KATNAL2: variants seen among roughly 807,000 people sequenced by gnomAD.
KATNAL2 encodes katanin p60 ATPase-containing subunit A-like 2.
In KATNAL2, 52 loss-of-function variants were observed where a neutral mutation model predicts 76.3. The ratio of observed to expected loss-of-function variants is 0.68; its 90% CI spans 0.55 to 0.86. KATNAL2 has a LOEUF of 0.86. Among genes scored for constraint, KATNAL2 ranks in the 40% least tolerant of loss-of-function variants. The pLI is 0.00. For missense variants in KATNAL2, 660 were observed against 668.9 expected (o/e 0.99, Z 0.15); for synonymous variants, 243 against 244.2 (o/e 1.00, Z 0.05).
chr18:47,091,587 A>G (rs1482080700), intron 15 of KATNAL2, among the ~76,000 whole-genome samples: 2 of 152,162 alleles, frequency 1.3e-5, no homozygotes, highest in Non-Finnish European at 2.9e-5. Flanking sequence ...TATTGATGTC[A>G]TGAAAAGTGC....
chr18:47,091,677 G>A (rs1490082686), intron 15 of KATNAL2, among the ~76,000 whole-genome samples: 1 of 152,082 alleles, frequency 6.6e-6, no homozygotes. Flanking sequence ...TTGCTTTAGG[G>A]CATTAGCTAA....
chr18:46,928,706 C>G lies in KATNAL2; in HGVS notation c.-510+10780C>G, dbSNP rs1568978936. Among the ~76,000 whole-genome samples the G allele has an allele frequency of 2.6e-5, 4 of 151,606 alleles. No homozygotes were observed. In the South Asian group the frequency reaches 8.3e-4, roughly 31 times the overall value. Reference sequence around the variant, plus strand: ...CTATTTGGCCATCTTGGCTCCTCCCCCCTGATACGGAACATTTTCATCAAC... The same window carrying G: ...CTATTTGGCCATCTTGGCTCCTCCCGCCTGATACGGAACATTTTCATCAAC... On this transcript the variant is annotated intron_variant, in intron 1 of 17. Coordinates refer to ENST00000683218, the MANE Select transcript of KATNAL2 (RefSeq NM_001387690.1).
chr18:47,035,648 C>G (rs906556880), intron 3 of KATNAL2: 3 of 412,482 alleles, frequency 7.3e-6, no homozygotes, highest in Non-Finnish European at 1.4e-5. Flanking sequence ...CGCCCCCATA[C>G]GTACTCATGC....
intron 4 of KATNAL2, among the ~76,000 whole-genome samples, chr18:47,051,929 G>A (rs2061351579): frequency 6.6e-6 from 1 of 151,898 alleles, no homozygotes; most frequent in African/African-American, 2.4e-5. Flanking sequence ...AGAAGAGGAG[G>A]GCTACTAAAA....
At chr18:47,084,213 T>G (rs1260409589) in intron 15 of KATNAL2, 1 of 588,796 alleles carries the variant, frequency 1.7e-6, no homozygotes, top group East Asian at 2.9e-5. Context: ...TGTCTTTCTG[T>G]TATCTATGTT....
At chr18:46,965,262 T>A (rs1413889285) in intron 3 of KATNAL2, among the ~76,000 whole-genome samples, 29 of 117,336 alleles carry the variant, frequency 2.5e-4, no homozygotes, top group Admixed American at 3.9e-4. Context: ...CCATGCAATC[T>A]TTTTTCCATT....
chr18:47,031,310 GA>G (rs1255211898), intron 3 of KATNAL2, among the ~76,000 whole-genome samples: 47 of 152,074 alleles, frequency 3.1e-4, no homozygotes, highest in African/African-American at 1.1e-3. Context: ...TCCGAATGAG[GA>G]AAACAGATCC....
intron 3 of KATNAL2, among the ~76,000 whole-genome samples, chr18:46,952,404 T>TG (rs1390645747): frequency 1.4e-5 from 2 of 138,626 alleles, no homozygotes; most frequent in African/African-American, 2.7e-5. Flanking sequence ...TTTTTTTTTT[T>TG]TTTTTTTTTT....
intron 3 of KATNAL2, among the ~76,000 whole-genome samples, chr18:47,039,134 A>G (rs1224731108): frequency 1.3e-5 from 2 of 152,172 alleles, no homozygotes; most frequent in East Asian, 3.8e-4. Flanking sequence ...CAGTTAGACT[A>G]TTTATTTTAT....
Position 47,063,273 on chromosome 18 carries a change from C to T in KATNAL2, c.649-11C>T. The T allele has an allele frequency of 2.5e-6, 4 of 1,612,484 alleles. No homozygotes were observed. The highest frequency in any genetic ancestry group is 3.4e-6 in the Non-Finnish European group (4 of 1,179,124). On this transcript the variant is annotated splice_polypyrimidine_tract_variant and intron_variant, in intron 9 of 17. Transcript: ENST00000683218. ...ATATTGTAATGTGAGCCTTTCCGCT[C>T]CTCTCATCAGGAACGACTGCTGAAA...
rs1238539633 is a variant in KATNAL2 at position 47,053,064 on chromosome 18, A to G, written c.289+18A>G. ...AGACACAGGTACATGCCTATTTTCT[A>G]GAGATAAGGCTTTGTCTCATCTGTA... On this transcript the variant is annotated intron_variant, in intron 5 of 17. Coordinates refer to ENST00000683218, the MANE Select transcript of KATNAL2 (RefSeq NM_001387690.1). 4 of 1,564,494 alleles carry G rather than the reference A, an allele frequency of 2.6e-6. No individual in the cohort carries two copies. Among genetic ancestry groups the G allele is most frequent in the Non-Finnish European group, 3.5e-6 (4 of 1,156,964 alleles).
At chr18:46,922,533 C>G (rs911668413) in intron 1 of KATNAL2, among the ~76,000 whole-genome samples, 2 of 151,156 alleles carry the variant, frequency 1.3e-5, no homozygotes, top group Non-Finnish European at 2.9e-5. Flanking sequence ...GTGGCTCACA[C>G]CTATATTCCC....
At chr18:46,941,468 T>C (rs1463366012) in intron 1 of KATNAL2, among the ~76,000 whole-genome samples, 1 of 152,104 alleles carries the variant, frequency 6.6e-6, no homozygotes, top group Non-Finnish European at 1.5e-5. Context: ...TTTTCAATAC[T>C]TTAAAAAATA....
chr18:46,945,428 G>T (rs559453525), intron 1 of KATNAL2, among the ~76,000 whole-genome samples: 6 of 152,330 alleles, frequency 3.9e-5, no homozygotes, highest in East Asian at 3.9e-4. Context: ...TGCAGCAGGG[G>T]TGAGAGTGGT....
intron 3 of KATNAL2, among the ~76,000 whole-genome samples, chr18:46,952,890 C>CT (rs35782374): frequency 0.029 from 2,659 of 93,074 alleles, 117 homozygotes; most frequent in African/African-American, 0.072. Context: ...TTCCTTCCTT[C>CT]TTTTTTTTTT....
intron 3 of KATNAL2, among the ~76,000 whole-genome samples, chr18:47,038,664 T>A (rs1412837902): frequency 6.6e-6 from 1 of 152,218 alleles, no homozygotes; most frequent in Non-Finnish European, 1.5e-5. Flanking sequence ...ATTCTTTCAA[T>A]ACCTTACCAA....
chr18:47,087,369 T>C (rs2062819957), intron 15 of KATNAL2, among the ~76,000 whole-genome samples: 1 of 152,126 alleles, frequency 6.6e-6, no homozygotes, highest in Non-Finnish European at 1.5e-5. Context: ...CATGCAGCCA[T>C]AAAAAGAACG....
intron 3 of KATNAL2, chr18:47,033,322 G>A (rs771412944): frequency 1.2e-6 from 2 of 1,613,594 alleles, no homozygotes; most frequent in African/African-American, 2.7e-5. Context: ...AGGCGTCTTG[G>A]CCACAGATTT....
intron 13 of KATNAL2, among the ~76,000 whole-genome samples, chr18:47,074,600 A>G (rs913091811): frequency 3.9e-5 from 6 of 151,958 alleles, no homozygotes; most frequent in African/African-American, 1.5e-4. Flanking sequence ...AGAGCTCTTT[A>G]TTTTGTTTTT....
Sources: gnomAD v4.1 joint callset for allele counts (sites outside exome capture counted in the v4.1 genomes callset) on GRCh38, gnomAD v4.1.1 for gene constraint, MANE v1.5 for transcripts, NCBI Gene and HGNC (gene_info 2026-07-23, HGNC 2026-07-21) for gene names.